PNP: variants seen among roughly 807,000 people sequenced by gnomAD.
PNP encodes the protein purine nucleoside phosphorylase, also known as HEL-S-156an.
A neutral mutation model predicts 26.8 loss-of-function variants in PNP; 18 were observed. The observed-to-expected ratio is 0.67, with a 90% CI of 0.46 to 1.00. The LOEUF (loss-of-function observed/expected upper bound fraction) is 1.00, where lower values mean the gene tolerates loss of function less well. PNP is among the 50% of genes least tolerant of loss of function. The pLI is 0.00. For missense variants in PNP, 320 were observed against 362.9 expected (o/e 0.88, Z 0.96); for synonymous variants, 116 against 124.8 (o/e 0.93, Z 0.47).
chr14:20,469,778 C>G (rs2139332183), intron 1 of PNP: 1 of 632,474 alleles, frequency 1.6e-6, no homozygotes, highest in Non-Finnish European at 2.8e-6. Flanking sequence ...GGGGACAGGT[C>G]GGTGCGGTCT....
Position 20,475,249 on chromosome 14 carries a change from G to C in PNP, c.649G>C (p.Val217Leu). 6.2e-7 allele frequency: 1 copy of C among 1,611,116 alleles called. No homozygotes were observed. Among genetic ancestry groups the C allele is most frequent in the East Asian group, 2.2e-5 (1 of 44,820 alleles). Residue 217 changes from valine to leucine, a missense_variant, in exon 5 of 6, where the codon GTT (valine) becomes CTT (leucine). Coordinates refer to ENST00000361505, the MANE Select transcript of PNP (RefSeq NM_000270.4). The part of the protein sequence containing the change: ...RVLQKLGADA[V>L]GMSTVPEVIV... ...GCTGCAGAAGCTGGGAGCAGACGCTGTTGGTGAGAAGGGGAATTTGGCTGG... is the reference window on the plus strand; with the variant it reads ...GCTGCAGAAGCTGGGAGCAGACGCTCTTGGTGAGAAGGGGAATTTGGCTGG...
Position 20,476,369 on chromosome 14 carries a change from C to G in PNP, c.653-15C>G, listed in dbSNP as rs1882111508. On this transcript the variant is annotated splice_polypyrimidine_tract_variant and intron_variant, in intron 5 of 5. Coordinates refer to ENST00000361505, the MANE Select transcript of PNP (RefSeq NM_000270.4). ...GAGGATCCTGACAGTTGGTTTCCAT[C>G]TTTCTCACTATCAGGCATGAGTACA... The G allele has an allele frequency of 8.2e-6, 13 of 1,594,392 alleles. No homozygotes were observed. The highest frequency in any genetic ancestry group is 1.1e-5 in the Non-Finnish European group (13 of 1,162,558).
chr14:20,474,683 T>G (rs552431953), intron 3 of PNP, 90 bp from the exon 4 acceptor site: 1 of 1,562,078 alleles, frequency 6.4e-7, no homozygotes, highest in East Asian at 2.2e-5. Flanking sequence ...GGTCCTCTCC[T>G]TCCTTTTCTT....
At chr14:20,471,992 CATAAGG>C (rs1172293304) in intron 1 of PNP, among the ~76,000 whole-genome samples, 1 of 152,178 alleles carries the variant, frequency 6.6e-6, no homozygotes, top group Non-Finnish European at 1.5e-5. Context: ...AAACCTTTGT[CATAAGG>C]ATAAGTATGC....
In PNP at chr14:20,475,236, G is replaced by A. The variant is rs751236364; in HGVS notation, c.636G>A (p.Leu212=). 2 of 1,612,618 alleles carry A rather than the reference G, an allele frequency of 1.2e-6. No individual in the cohort carries two copies. The highest frequency in any genetic ancestry group is 2.2e-5 in the South Asian group (2 of 91,072). Residue 212 remains leucine, a synonymous_variant, in exon 5 of 6, where the codon CTG becomes CTA. Transcript: ENST00000361505. The part of the protein sequence containing the change: ...TVAECRVLQK[L]GADAVGMSTV... The stretch of plus-strand genomic sequence containing the variant: ...CAGAATGTCGTGTGCTGCAGAAGCT[G>A]GGAGCAGACGCTGTTGGTGAGAAGG...
rs757192727 is a variant in PNP, at chr14:20,474,451, CTCTT to C, written c.182-17_182-14del. 7 of 1,596,814 alleles carry C rather than the reference CTCTT, an allele frequency of 4.4e-6. No homozygotes were observed. In the Admixed American group the frequency reaches 8.3e-5, roughly 19 times the overall value. On this transcript the variant is annotated splice_polypyrimidine_tract_variant and intron_variant, in intron 2 of 5. Transcript: ENST00000361505. Reference sequence around the variant, plus strand: ...CATGAAAATATAATCCCATTCATTTCTCTTTCTGTTTTGTATACAGTGCCAGGTC... The same window carrying C: ...CATGAAAATATAATCCCATTCATTTCTCTGTTTTGTATACAGTGCCAGGTC...
Position 20,472,487 on chromosome 14 carries a change from A to G in PNP, c.181+10A>G. 6.2e-7 allele frequency: 1 copy of G among 1,613,006 alleles called. No homozygotes were observed. Among genetic ancestry groups the G allele is most frequent in the Non-Finnish European group, 8.5e-7 (1 of 1,179,006 alleles). On this transcript the variant is annotated intron_variant, in intron 2 of 5. Coordinates refer to ENST00000361505, the MANE Select transcript of PNP (RefSeq NM_000270.4). The stretch of plus-strand genomic sequence containing the variant: ...TTTCCCCGAAGTACAGGTACTGGCA[A>G]GGGAAAGTGGGGAATGGGACTGAGG...
Position 20,469,443 on chromosome 14 carries a change from A to C in PNP, c.-82A>C. 6.5e-7 allele frequency: 1 copy of C among 1,530,370 alleles called. No individual in the cohort carries two copies. The highest frequency in any genetic ancestry group is 1.2e-5 in the South Asian group (1 of 83,600). 94.8% of individuals were successfully genotyped at this position (1,530,370 alleles called of 1,614,324 possible). A position where few individuals can be genotyped will look rare whatever the true frequency, so the allele number is the denominator to read the frequency against. ...CAGACCCGGCAGCCTTGCTCAGTTC[A>C]GCATAGCGGAGCGGATCCGATCGGA... On this transcript the variant is annotated 5_prime_UTR_variant, in exon 1 of 6. Transcript: ENST00000361505.
At chr14:20,474,271 G>T (rs915835340) in intron 2 of PNP, 48 of 561,768 alleles carry the variant, frequency 8.5e-5, no homozygotes, top group Middle Eastern at 4.9e-4. Context: ...CTCTAATCTT[G>T]GGTTGTATTT....
In PNP at chr14:20,472,730, G is replaced by T. The variant is rs113687961; in HGVS notation, c.181+253G>T. 3 of 548,048 alleles carry T rather than the reference G, an allele frequency of 5.5e-6. No homozygotes were observed. In the South Asian group the frequency reaches 6.8e-5, roughly 12 times the overall value. The allele number at this position is 548,048 out of a possible 1,614,324, so 33.9% of individuals were successfully genotyped here. ...ACTCAGAAGAGGGCCAGGTGACAGG[G>T]GCCAAGTAAAGGGCAAGGGTTGTTT... On this transcript the variant is annotated intron_variant, in intron 2 of 5. Coordinates refer to ENST00000361505, the MANE Select transcript of PNP (RefSeq NM_000270.4).
intron 2 of PNP, chr14:20,474,125 C>T (rs909326301): frequency 4.4e-5 from 14 of 318,058 alleles, no homozygotes; most frequent in African/African-American, 3.0e-4. Flanking sequence ...AGTATTTAAT[C>T]TTCCATTTCT....
intron 2 of PNP, chr14:20,474,253 C>A: frequency 1.9e-6 from 1 of 528,414 alleles, no homozygotes. Context: ...GCTGAACGCA[C>A]CCCATATCTC....
At chr14:20,471,062 G>A (rs973006266) in intron 1 of PNP, among the ~76,000 whole-genome samples, 3 of 151,594 alleles carry the variant, frequency 2.0e-5, no homozygotes, top group Admixed American at 6.6e-5. Context: ...TCGGAGTCTC[G>A]CTCTGTCTCC....
Position 20,475,197 on chromosome 14 carries a change from C to G in PNP, c.597C>G (p.Ser199Arg). The change falls in exon 5 of 6, where the codon AGC becomes AGG. Residue 199 changes from serine (S) to arginine (R), a missense_variant. Ser to Arg is a moderately radical substitution (Grantham distance 110). Coordinates refer to ENST00000361505, the MANE Select transcript of PNP (RefSeq NM_000270.4). ...CCTATGTGATGGTGGCAGGCCCCAG[C>G]TTTGAGACTGTGGCAGAATGTCGTG... ...EGTYVMVAGP[S>R]FETVAECRVL... 1 of 1,614,026 alleles carries G rather than the reference C, an allele frequency of 6.2e-7. No homozygotes were observed. Among genetic ancestry groups the G allele is most frequent in the Non-Finnish European group, 8.5e-7 (1 of 1,179,924 alleles).
chr14:20,469,953 G>A (rs1201163518), intron 1 of PNP, among the ~76,000 whole-genome samples: 1 of 152,162 alleles, frequency 6.6e-6, no homozygotes, highest in African/African-American at 2.4e-5. Context: ...AAAGCTGCGA[G>A]GTACTTTTGG....
At chr14:20,474,616 A>C in intron 3 of PNP, 41 bp downstream of exon 3, 1 of 1,573,534 alleles carries the variant, frequency 6.4e-7, no homozygotes, top group South Asian at 1.1e-5. Flanking sequence ...TGGAAGAGGC[A>C]GGAGAGAACT....
chr14:20,476,456 C>T lies in PNP; in HGVS notation c.725C>T (p.Thr242Ile). Residue 242 changes from threonine (T) to isoleucine (I), a missense_variant, in exon 6 of 6, where the codon ACT (threonine) becomes ATT (isoleucine). Transcript: ENST00000361505. ...CGAGTCTTTGGCTTCTCACTCATCACTAACAAGGTCATCATGGATTATGAA... is the reference window on the plus strand; with the variant it reads ...CGAGTCTTTGGCTTCTCACTCATCATTAACAAGGTCATCATGGATTATGAA... Reference protein sequence around the residue: ...GLRVFGFSLITNKVIMDYESL... With the variant: ...GLRVFGFSLIINKVIMDYESL... The T allele has an allele frequency of 6.2e-7, 1 of 1,614,190 alleles. No individual in the cohort carries two copies. Among genetic ancestry groups the T allele is most frequent in the Non-Finnish European group, 8.5e-7 (1 of 1,180,038 alleles).
At position 20,477,047 on chromosome 14, in the gene PNP, T is replaced by G. The variant is rs1439444859; in HGVS notation, c.*446T>G. 4.4e-6 allele frequency: 1 copy of G among 227,914 alleles called. No individual in the cohort carries two copies. The highest frequency in any genetic ancestry group is 2.3e-5 in the African/African-American group (1 of 43,988). The allele number at this position is 227,914 out of a possible 1,614,324, so 14.1% of individuals were successfully genotyped here. On this transcript the variant is annotated 3_prime_UTR_variant, in exon 6 of 6. Transcript: ENST00000361505. ...TAATCCAATACCTCTTGGATTTTATTTAATGTCATAATGTTGTCAGAATAA... is the reference window on the plus strand; with the variant it reads ...TAATCCAATACCTCTTGGATTTTATGTAATGTCATAATGTTGTCAGAATAA...
intron 5 of PNP, among the ~76,000 whole-genome samples, chr14:20,475,949 G>C (rs568461116): frequency 6.6e-6 from 1 of 152,258 alleles, no homozygotes; most frequent in Admixed American, 6.5e-5. Flanking sequence ...ATTTATTTTA[G>C]GCAATACAGA....
Sources: allele counts gnomAD v4.1 joint callset (sites outside exome capture counted in the v4.1 genomes callset), GRCh38; gene constraint gnomAD v4.1.1; transcripts MANE v1.5; gene names NCBI Gene and HGNC (gene_info 2026-07-23, HGNC 2026-07-21).